The following RIMS1 variants were observed in gnomAD, a reference collection of about 807,000 sequenced individuals.
The protein encoded by RIMS1 is regulating synaptic membrane exocytosis 1.
Under a neutral mutation model 214.1 loss-of-function variants are expected in RIMS1, and 83 were observed. The observed-to-expected ratio is 0.39, with a 90% CI of 0.32 to 0.47. The LOEUF (loss-of-function observed/expected upper bound fraction) is 0.47, where lower values mean the gene tolerates loss of function less well. RIMS1 is among the 20% of genes least tolerant of loss of function. The pLI is 0.99. For synonymous variants in RIMS1, 793 were observed against 786.8 expected (o/e 1.01, Z -0.13); for missense variants, 2,050 against 2,161.8 (o/e 0.95, Z 1.03).
chr6:72,146,553 T>C (rs368748619), intron 4 of RIMS1, among the ~76,000 whole-genome samples: 2 of 152,338 alleles, frequency 1.3e-5, no homozygotes, highest in East Asian at 3.9e-4. Flanking sequence ...GAAAACCCTG[T>C]TGTGCTTTTA....
At chr6:72,337,167 A>G (rs2096868980) in intron 29 of RIMS1, among the ~76,000 whole-genome samples, 1 of 151,698 alleles carries the variant, frequency 6.6e-6, no homozygotes, top group Non-Finnish European at 1.5e-5. Context: ...AATTGAATGA[A>G]CCTCCAGGTA....
At chr6:72,103,956 A>G (rs1286606754) in intron 4 of RIMS1, among the ~76,000 whole-genome samples, 1 of 152,164 alleles carries the variant, frequency 6.6e-6, no homozygotes, top group Non-Finnish European at 1.5e-5. Context: ...ATACATAAAA[A>G]TGCTTCTAGC....
intron 2 of RIMS1, among the ~76,000 whole-genome samples, chr6:71,992,398 CTCTCTCTCTTTCTTTCTTTCTTTCTT>C (rs1211586660): frequency 7.8e-5 from 10 of 128,882 alleles, no homozygotes; most frequent in Admixed American, 4.0e-4. Flanking sequence ...CTTTCTTTCT[CTCTCTCTCTTTCTTTCTTTCTTTCTT>C]TCTTTCTTTC....
intron 2 of RIMS1, among the ~76,000 whole-genome samples, chr6:71,976,265 T>G (rs1797110193): frequency 6.6e-6 from 1 of 152,168 alleles, no homozygotes; most frequent in Non-Finnish European, 1.5e-5. Context: ...TATAAAGTAG[T>G]GTCTTACTGT....
At chr6:72,399,388 G>C (rs2098815002) in intron 33 of RIMS1, among the ~76,000 whole-genome samples, 1 of 151,670 alleles carries the variant, frequency 6.6e-6, no homozygotes, top group Non-Finnish European at 1.5e-5. Flanking sequence ...CTCCTCACTA[G>C]ATAGATAGAT....
intron 1 of RIMS1, among the ~76,000 whole-genome samples, chr6:71,890,570 TAAAAAAAA>T (rs3076604): frequency 2.5e-5 from 2 of 81,528 alleles, no homozygotes; most frequent in African/African-American, 1.1e-4. Flanking sequence ...CTCCTTTTTG[TAAAAAAAA>T]AAAAAAAAAA....
chr6:72,339,742 CG>C (rs2096982267), intron 29 of RIMS1, among the ~76,000 whole-genome samples: 1 of 152,016 alleles, frequency 6.6e-6, no homozygotes, highest in African/African-American at 2.4e-5. Context: ...CCGCAATAAA[CG>C]TACGTGTGCA....
At chr6:72,055,285 G>C (rs1298252591) in intron 2 of RIMS1, among the ~76,000 whole-genome samples, 1 of 151,972 alleles carries the variant, frequency 6.6e-6, no homozygotes, top group Non-Finnish European at 1.5e-5. Context: ...GCACACTCCT[G>C]GGTGTTCCTT....
At position 72,274,420 on chromosome 6, in the gene RIMS1, C is replaced by T. The variant is rs41265501; in HGVS notation, c.3470C>T (p.Pro1157Leu). The T allele has an allele frequency of 0.028, 45,221 of 1,612,252 alleles. 741 individuals carry two copies. The highest frequency in any genetic ancestry group is 0.034 in the Non-Finnish European group (39,541 of 1,178,550). ...SPRIQIQHAS[P>L]ENDRHSRKSE... The stretch of plus-strand genomic sequence containing the variant: ...AGGATTCAAATCCAGCATGCGTCTC[C>T]GGAGAATGACAGGTACTAGTCAACT... Residue 1157 changes from proline to leucine, a missense_variant, in exon 23 of 34, where the codon CCG becomes CTG. Pro to Leu is a moderately conservative substitution (Grantham distance 98). This residue lies in a region of RIMS1 where 889 missense variants were observed against 885.5 expected (regional missense o/e 1.00). Transcript: ENST00000521978.
chr6:72,182,521 T>G lies in RIMS1; in HGVS notation c.1050T>G (p.Asp350Glu). The part of the protein sequence containing the change: ...ADEEKQRKEE[D>E]YQTRYRSDPN... ...AGGAAAAGCAAAGAAAAGAGGAGGA[T>G]TATCAGACCAGGTACCGCAGCGACC... The change falls in exon 6 of 34, where the codon GAT becomes GAG. Residue 350 changes from aspartate (D) to glutamate (E), a missense_variant. Physicochemically the swap from Asp to Glu is conservative, Grantham distance 45. Transcript: ENST00000521978. The G allele has an allele frequency of 6.3e-7, 1 of 1,580,792 alleles. No homozygotes were observed. The highest frequency in any genetic ancestry group is 8.6e-7 in the Non-Finnish European group (1 of 1,163,674).
chr6:72,113,142 G>A (rs576213405), intron 4 of RIMS1, among the ~76,000 whole-genome samples: 3 of 152,086 alleles, frequency 2.0e-5, no homozygotes, highest in Non-Finnish European at 4.4e-5. Flanking sequence ...GTTATTAAAG[G>A]CTTTTTCTGC....
intron 4 of RIMS1, among the ~76,000 whole-genome samples, chr6:72,175,198 T>C (rs1177249200): frequency 6.6e-6 from 1 of 152,214 alleles, no homozygotes; most frequent in African/African-American, 2.4e-5. Context: ...AATGGTACCA[T>C]AATAATTTTT....
chr6:71,955,752 A>G (rs994034292), intron 1 of RIMS1, among the ~76,000 whole-genome samples: 1 of 152,090 alleles, frequency 6.6e-6, no homozygotes, highest in Non-Finnish European at 1.5e-5. Flanking sequence ...GTCTTTGGGG[A>G]AAATTGTTAA....
At chr6:72,094,353 A>G (rs978736308) in intron 2 of RIMS1, among the ~76,000 whole-genome samples, 3 of 152,182 alleles carry the variant, frequency 2.0e-5, no homozygotes, top group Non-Finnish European at 4.4e-5. Flanking sequence ...TGAGATTGCA[A>G]TAGAGTAAGG....
chr6:71,888,474 G>C (rs2150312605), intron 1 of RIMS1, among the ~76,000 whole-genome samples: 1 of 152,320 alleles, frequency 6.6e-6, no homozygotes, highest in East Asian at 1.9e-4. Context: ...AGCACATTCT[G>C]CATGGCCTCT....
intron 1 of RIMS1, among the ~76,000 whole-genome samples, chr6:71,912,572 A>G (rs944329415): frequency 1.3e-5 from 2 of 152,104 alleles, no homozygotes; most frequent in African/African-American, 4.8e-5. Context: ...ATTCTTAAGG[A>G]TAGTTCCATA....
chr6:72,250,998 A>G lies in RIMS1; in HGVS notation c.2450A>G (p.His817Arg), dbSNP rs2073050019. Residue 817 changes from histidine to arginine, a missense_variant, in exon 14 of 34, where the codon CAT (histidine) becomes CGT (arginine). His to Arg is a conservative substitution (Grantham distance 29). Coordinates refer to ENST00000521978, the MANE Select transcript of RIMS1 (RefSeq NM_014989.7). ...TGGAATCAAACTTTTGTCTATTCAC[A>G]TGTACATCGTAGAGATTTTAGAGAA... is the stretch of plus-strand genomic sequence containing the variant. Reference protein sequence around the residue: ...PKWNQTFVYSHVHRRDFRERM... With the variant: ...PKWNQTFVYSRVHRRDFRERM... 14 of 1,563,888 alleles carry G rather than the reference A, an allele frequency of 9.0e-6. No homozygotes were observed. Among genetic ancestry groups the G allele is most frequent in the South Asian group, 1.2e-5 (1 of 84,668 alleles).
At chr6:72,295,190 A>C (rs2093936683) in intron 26 of RIMS1, among the ~76,000 whole-genome samples, 1 of 151,754 alleles carries the variant, frequency 6.6e-6, no homozygotes, top group Admixed American at 6.6e-5. Flanking sequence ...CTAAAACTCC[A>C]ATGATATTCC....
intron 16 of RIMS1, 92 bp from the exon 17 acceptor site, chr6:72,258,033 A>C: frequency 1.7e-6 from 2 of 1,165,394 alleles, no homozygotes; most frequent in Non-Finnish European, 2.5e-6. Flanking sequence ...TCATAGATCA[A>C]TGGCTGCTTT....
Sources: gnomAD v4.1 joint callset for allele counts (sites outside exome capture counted in the v4.1 genomes callset) on GRCh38, gnomAD v4.1.1 for gene constraint, gnomAD v4.1.1 regional missense constraint, MANE v1.5 for transcripts, NCBI Gene and HGNC (gene_info 2026-07-23, HGNC 2026-07-21) for gene names.